The following DNAI7 variants were observed in gnomAD, a reference collection of about 807,000 sequenced individuals.
DNAI7 encodes the protein dynein axonemal intermediate chain 7.
A neutral mutation model predicts 86.6 loss-of-function variants in DNAI7; 78 were observed. The observed-to-expected ratio is 0.90, with a 90% CI of 0.75 to 1.09. DNAI7 has a LOEUF of 1.09. DNAI7 is among the 50% of genes least tolerant of loss of function. DNAI7 has a pLI of 0.00. For missense variants in DNAI7, 753 were observed against 810.2 expected, an observed-to-expected ratio of 0.93 and a Z score of 0.86; for synonymous variants, 274 against 273.0, an observed-to-expected ratio of 1.00 and a Z score of -0.04.
intron 2 of DNAI7, among the ~76,000 whole-genome samples, chr12:25,161,570 T>C (rs915612879): frequency 5.3e-5 from 8 of 152,196 alleles, no homozygotes; most frequent in African/African-American, 1.9e-4. Context: ...ACTTATAAAA[T>C]TGAAAAGTAT....
chr12:25,176,905 T>C (rs565692741), intron 2 of DNAI7, among the ~76,000 whole-genome samples: 16 of 146,472 alleles, frequency 1.1e-4, no homozygotes, highest in African/African-American at 2.0e-4. Context: ...CATTTTCTTT[T>C]TTTTTTTTTT....
At chr12:25,155,664 T>C (rs1017881698) in intron 4 of DNAI7, among the ~76,000 whole-genome samples, 1 of 152,214 alleles carries the variant, frequency 6.6e-6, no homozygotes, top group African/African-American at 2.4e-5. Flanking sequence ...ATAATAATAC[T>C]AACATTATTT....
At chr12:25,110,665 C>T (rs1949757672) in intron 14 of DNAI7, among the ~76,000 whole-genome samples, 1 of 152,192 alleles carries the variant, frequency 6.6e-6, no homozygotes, top group Non-Finnish European at 1.5e-5. Flanking sequence ...TTGAGTTTCA[C>T]TCAAGTGTTA....
intron 2 of DNAI7, among the ~76,000 whole-genome samples, chr12:25,161,490 G>T (rs1174376204): frequency 1.3e-5 from 2 of 152,124 alleles, no homozygotes. Context: ...CTTTAAAATG[G>T]TGCTAAAGAA....
At chr12:25,138,607 T>A (rs551995445) in intron 9 of DNAI7, among the ~76,000 whole-genome samples, 3 of 152,184 alleles carry the variant, frequency 2.0e-5, no homozygotes, top group African/African-American at 7.2e-5. Flanking sequence ...TAAACAATCA[T>A]TGGGTCAACA....
At chr12:25,194,969 C>A (rs771580998) in intron 1 of DNAI7, 107 bp downstream of exon 1, 2 of 1,614,250 alleles carry the variant, frequency 1.2e-6, no homozygotes, top group Non-Finnish European at 1.7e-6. Flanking sequence ...CCCAAACCGA[C>A]CCGCTTCGCT....
In DNAI7 at chr12:25,108,488, A is replaced by AAT. The variant is rs1356269166; in HGVS notation, c.*58_*59dup. ...TTCACTCATTACATTGTGTTGCAGA[A>AAT]ATACCTGTCTTTCACCATGCTTGGT... On this transcript the variant is annotated 3_prime_UTR_variant, in exon 16 of 16. Transcript: ENST00000395987. The AAT allele has an allele frequency of 2.0e-5, 28 of 1,423,748 alleles. No homozygotes were observed. In the Middle Eastern group the frequency reaches 7.2e-4, roughly 37 times the overall value. The allele number at this position is 1,423,748 out of a possible 1,614,324, so 88.2% of individuals were successfully genotyped here. A position where few individuals can be genotyped will look rare whatever the true frequency, so the allele number is the denominator to read the frequency against.
At chr12:25,154,816 T>C (rs1210634425) in intron 5 of DNAI7, among the ~76,000 whole-genome samples, 1 of 152,268 alleles carries the variant, frequency 6.6e-6, no homozygotes, top group East Asian at 1.9e-4. Flanking sequence ...TACTAATGTC[T>C]AGTTGCCACT....
At chr12:25,164,680 C>T (rs1947234333) in intron 2 of DNAI7, among the ~76,000 whole-genome samples, 1 of 152,146 alleles carries the variant, frequency 6.6e-6, no homozygotes, top group Non-Finnish European at 1.5e-5. Flanking sequence ...CCTCCCTAGT[C>T]TCTGTTCCCA....
intron 2 of DNAI7, among the ~76,000 whole-genome samples, chr12:25,183,975 T>C (rs1292940405): frequency 6.6e-6 from 1 of 152,194 alleles, no homozygotes; most frequent in Non-Finnish European, 1.5e-5. Context: ...TAATGGCTAC[T>C]ACAGAAAGTC....
At chr12:25,118,785 T>TA (rs896555876) in intron 12 of DNAI7, among the ~76,000 whole-genome samples, 1 of 151,860 alleles carries the variant, frequency 6.6e-6, no homozygotes, top group African/African-American at 2.4e-5. Context: ...AGGCTGGTCT[T>TA]AAACTCCTGA....
intron 9 of DNAI7, among the ~76,000 whole-genome samples, chr12:25,139,991 G>T (rs926914428): frequency 6.6e-6 from 1 of 152,086 alleles, no homozygotes; most frequent in Admixed American, 6.6e-5. Flanking sequence ...ACAAAATCCA[G>T]CATCTCTTTA....
intron 2 of DNAI7, among the ~76,000 whole-genome samples, chr12:25,176,042 T>G (rs1313114729): frequency 6.6e-6 from 1 of 152,078 alleles, no homozygotes; most frequent in Non-Finnish European, 1.5e-5. Context: ...ATCATGCCAC[T>G]GCACTCCAGC....
intron 9 of DNAI7, among the ~76,000 whole-genome samples, chr12:25,139,856 T>C (rs766081147): frequency 1.3e-5 from 2 of 152,124 alleles, no homozygotes; most frequent in East Asian, 1.9e-4. Context: ...TAATAATAAA[T>C]ACATTTTTTA....
chr12:25,123,509 A>T (rs1941641250), intron 9 of DNAI7, among the ~76,000 whole-genome samples: 2 of 152,240 alleles, frequency 1.3e-5, no homozygotes, highest in South Asian at 4.1e-4. Flanking sequence ...TACCCTGCTC[A>T]GATTCTCTGC....
At chr12:25,140,465 A>G (rs1297962571) in intron 9 of DNAI7, among the ~76,000 whole-genome samples, 1 of 152,080 alleles carries the variant, frequency 6.6e-6, no homozygotes, top group Non-Finnish European at 1.5e-5. Flanking sequence ...AAATAAATAA[A>G]TAAATAAATA....
At chr12:25,184,337 T>G (rs1430378008) in intron 2 of DNAI7, among the ~76,000 whole-genome samples, 2 of 152,210 alleles carry the variant, frequency 1.3e-5, no homozygotes, top group Non-Finnish European at 2.9e-5. Context: ...CTCTGTAGAT[T>G]TGCCTCTTCT....
chr12:25,180,138 A>G (rs1391127612), intron 2 of DNAI7, among the ~76,000 whole-genome samples: 2 of 152,334 alleles, frequency 1.3e-5, no homozygotes, highest in East Asian at 3.9e-4. Flanking sequence ...CTACACACCA[A>G]CAACGTTTAA....
intron 7 of DNAI7, among the ~76,000 whole-genome samples, chr12:25,148,360 C>T (rs1387745700): frequency 6.6e-6 from 1 of 151,706 alleles, no homozygotes; most frequent in African/African-American, 2.4e-5. Context: ...TATGATGTTC[C>T]ACTATTAATG....
Sources: allele counts gnomAD v4.1 joint callset (sites outside exome capture counted in the v4.1 genomes callset), GRCh38; gene constraint gnomAD v4.1.1; transcripts MANE v1.5; gene names NCBI Gene and HGNC (gene_info 2026-07-23, HGNC 2026-07-21).